The following RIF1 variants were observed in gnomAD, a reference collection of about 807,000 sequenced individuals.
RIF1 encodes replication timing regulatory factor 1, also known as telomere-associated protein RIF1.
Under a neutral mutation model 247.1 loss-of-function variants are expected in RIF1, and 45 were observed. The observed-to-expected ratio is 0.18, with a 90% CI of 0.14 to 0.23. The LOEUF (loss-of-function observed/expected upper bound fraction) is 0.23, where lower values mean the gene tolerates loss of function less well. RIF1 is among the 10% of genes least tolerant of loss of function. RIF1 has a pLI of 1.00. For synonymous variants in RIF1, 1,087 were observed against 978.8 expected (o/e 1.11, Z -2.06); for missense variants, 2,967 against 2,862.5 (o/e 1.04, Z -0.83).
chr2:151,428,710 G>T, intron 8 of RIF1, 74 bp from the exon 9 acceptor site: 1 of 1,170,226 alleles, frequency 8.5e-7, no homozygotes, highest in East Asian at 2.3e-5. Context: ...TTAAGTGAAT[G>T]AATAAAGGAA....
In RIF1 at chr2:151,478,941, C is replaced by CATT. The variant is rs1483690303; in HGVS notation, c.*3872_*3874dup. 1 of 152,126 alleles carries CATT rather than the reference C, an allele frequency of 6.6e-6. No homozygotes were observed. The highest frequency in any genetic ancestry group is 1.9e-4 in the East Asian group (1 of 5,194). 9.4% of individuals were successfully genotyped at this position (152,126 alleles called of 1,614,324 possible). A position where few individuals can be genotyped will look rare whatever the true frequency, so the allele number is the denominator to read the frequency against. ...CCCATGGTCTATCCTATTCCTAAGC[C>CATT]ATTAGAAAGACCTTGTACTTTGTAT... On this transcript the variant is annotated 3_prime_UTR_variant, in exon 36 of 36. Transcript: ENST00000444746.
the RIF1 span, chr2:151,534,212 T>C: frequency 6.2e-7 from 1 of 1,612,266 alleles, no homozygotes; most frequent in Non-Finnish European, 8.5e-7. Flanking sequence ...CCCATCACAG[T>C]ACCTGACTGA....
chr2:151,492,670 C>G, intron 9 of RIF1: 1 of 413,724 alleles, frequency 2.4e-6, no homozygotes. Flanking sequence ...GAAGGGCCCG[C>G]CAGTGGAAGA....
rs1354525648 is a variant in RIF1 at position 151,410,417 on chromosome 2, G to A, written c.-7G>A. The A allele has an allele frequency of 6.2e-7, 1 of 1,612,916 alleles. No individual in the cohort carries two copies. Among genetic ancestry groups the A allele is most frequent in the African/African-American group, 1.3e-5 (1 of 74,910 alleles). ...CCTCTTCCGGTTCGGGCCTCAGGGT[G>A]GCCGACATGACGGCCAGGGGTCAGA... On this transcript the variant is annotated 5_prime_UTR_variant, in exon 2 of 36. Transcript: ENST00000444746.
In RIF1 at chr2:151,466,018, G is replaced by T; in HGVS notation, c.6498G>T (p.Gln2166His). Residue 2166 changes from glutamine (Q) to histidine (H), a missense_variant, in exon 30 of 36, where the codon CAG becomes CAT. Around this residue, in one of 7 missense-constraint regions of RIF1, gnomAD observed 2,028 missense variants for 1,825.6 expected, o/e 1.11. Transcript: ENST00000444746. ...VSANDSPSGM[Q>H]TRCVWSPLAS... ...CAAATGACAGTCCTAGTGGCATGCA[G>T]ACACGCTGTGTCTGGTCTCCTTTGG... 6.2e-7 allele frequency: 1 copy of T among 1,614,048 alleles called. No individual in the cohort carries two copies. The highest frequency in any genetic ancestry group is 8.5e-7 in the Non-Finnish European group (1 of 1,179,950).
intron 34 of RIF1, among the ~76,000 whole-genome samples, chr2:151,470,484 G>A (rs1697621217): frequency 6.6e-6 from 1 of 152,060 alleles, no homozygotes; most frequent in Non-Finnish European, 1.5e-5. Flanking sequence ...GCAGCTACTT[G>A]CCAGTTTAGC....
intron 12 of RIF1, chr2:151,505,705 G>T: frequency 1.4e-6 from 1 of 711,500 alleles, no homozygotes. Context: ...TATACTTAGT[G>T]TGAATGGGAC....
In RIF1 at chr2:151,480,745, G is replaced by C. The variant is rs529101429; in HGVS notation, c.*5674G>C. ...AATTATTTTGATACACTATTGAATA[G>C]CTAACAAGTGTCTAAAGAATTTTTT... On this transcript the variant is annotated 3_prime_UTR_variant, in exon 36 of 36. Coordinates refer to ENST00000444746, the MANE Select transcript of RIF1 (RefSeq NM_018151.5). 6.6e-6 allele frequency: 1 copy of C among 152,192 alleles called. No individual in the cohort carries two copies. Among genetic ancestry groups the C allele is most frequent in the African/African-American group, 2.4e-5 (1 of 41,540 alleles). 9.4% of individuals were successfully genotyped at this position (152,192 alleles called of 1,614,324 possible). A position where few individuals can be genotyped will look rare whatever the true frequency, so the allele number is the denominator to read the frequency against.
At chr2:151,459,370 C>T (rs1695757434) in intron 25 of RIF1, among the ~76,000 whole-genome samples, 1 of 152,154 alleles carries the variant, frequency 6.6e-6, no homozygotes. Context: ...TAGTTAAAGG[C>T]ACGGGTACTA....
Position 151,479,123 on chromosome 2 carries a change from G to A in RIF1, c.*4052G>A, listed in dbSNP as rs902542057. On this transcript the variant is annotated 3_prime_UTR_variant, in exon 36 of 36. Coordinates refer to ENST00000444746, the MANE Select transcript of RIF1 (RefSeq NM_018151.5). ...ATTCATGCAGATGCCTGTGAACTGC[G>A]CTGGTAGATGGGCCTAAGAGGCTTC... 7 of 152,262 alleles carry A rather than the reference G, an allele frequency of 4.6e-5. No homozygotes were observed. The highest frequency in any genetic ancestry group is 3.4e-3 in the Middle Eastern group (1 of 294). The allele number at this position is 152,262 out of a possible 1,614,324, so 9.4% of individuals were successfully genotyped here.
chr2:151,445,189 G>A (rs925466155), intron 18 of RIF1, 149 bp from the exon 19 acceptor site: 7 of 623,744 alleles, frequency 1.1e-5, no homozygotes, highest in East Asian at 5.5e-5. Flanking sequence ...GACTACATGC[G>A]TAGGTTCGAG....
intron 13 of RIF1, 38 bp downstream of exon 13, chr2:151,437,389 T>C: frequency 6.6e-7 from 1 of 1,517,572 alleles, no homozygotes; most frequent in East Asian, 2.3e-5. Context: ...CAAATGTGTG[T>C]TTAAAAAGAA....
At position 151,443,703 on chromosome 2, in the gene RIF1, T is replaced by G. The variant is rs774915039; in HGVS notation, c.1980T>G (p.Ile660Met). 1.3e-6 allele frequency: 2 copies of G among 1,554,360 alleles called. No individual in the cohort carries two copies. The highest frequency in any genetic ancestry group is 1.7e-6 in the Non-Finnish European group (2 of 1,155,312). ...TAGTCACCCCATTAACTGAATTGAT[T>G]AATCAGGTATGAAATAAATCTGCTA... is the stretch of plus-strand genomic sequence containing the variant. ...SVIVTPLTEL[I>M]NQTNEVNQGD... Residue 660 changes from isoleucine to methionine, a missense_variant, in exon 18 of 36, where the codon ATT becomes ATG. By Grantham distance (10) the Ile-to-Met change is conservative. Transcript: ENST00000444746.
At chr2:151,488,478 C>CAA (rs567755362) in intron 9 of RIF1, among the ~76,000 whole-genome samples, 101 of 95,730 alleles carry the variant, frequency 1.1e-3, no homozygotes, top group African/African-American at 3.0e-3. Context: ...GAGCCTCTAC[C>CAA]AAAAAAAAAA....
chr2:151,531,667 G>A, the RIF1 span: 2,047 of 738,332 alleles, frequency 2.8e-3, 29 homozygotes, highest in East Asian at 0.031. Flanking sequence ...AGGACATCTC[G>A]CACCCCTGCC....
At chr2:151,528,868 A>G in the RIF1 span, among the ~76,000 whole-genome samples, 1 of 152,180 alleles carries the variant, frequency 6.6e-6, no homozygotes, top group Admixed American at 6.5e-5. Flanking sequence ...AGGCAGGAGG[A>G]GAGCACAGGG....
chr2:151,493,064 G>A (rs1338994217), intron 9 of RIF1: 2 of 313,198 alleles, frequency 6.4e-6, no homozygotes, highest in Non-Finnish European at 5.9e-6. Flanking sequence ...AGTTGGTTAC[G>A]TAGAACTACC....
At chr2:151,515,896 A>C in the RIF1 span, among the ~76,000 whole-genome samples, 1 of 152,230 alleles carries the variant, frequency 6.6e-6, no homozygotes, top group Non-Finnish European at 1.5e-5. Context: ...TGGAAATTCC[A>C]AATAAGCCCA....
intron 16 of RIF1, 25 bp downstream of exon 16, chr2:151,442,016 T>G (rs1263592995): frequency 1.1e-6 from 1 of 913,732 alleles, no homozygotes; most frequent in Admixed American, 2.7e-5. Context: ...TGTAATATGA[T>G]GAAGATTGGC....
Sources: gnomAD v4.1 joint callset for allele counts (sites outside exome capture counted in the v4.1 genomes callset) on GRCh38, gnomAD v4.1.1 for gene constraint, gnomAD v4.1.1 regional missense constraint, MANE v1.5 for transcripts, NCBI Gene and HGNC (gene_info 2026-07-23, HGNC 2026-07-21) for gene names.